DOK5: variants seen among roughly 807,000 people sequenced by gnomAD.
DOK5 encodes docking protein 5, also known as downstream of tyrosine kinase 5.
Under a neutral mutation model 43.3 loss-of-function variants are expected in DOK5, and 27 were observed. The observed-to-expected ratio is 0.62, with a 90% CI of 0.46 to 0.86. The LOEUF is 0.86. Ranked by LOEUF, DOK5 falls within the 40% of genes least tolerant of loss-of-function variation. The pLI, the probability that DOK5 is intolerant of heterozygous loss-of-function variation, is 0.00. For synonymous variants in DOK5, 146 were observed against 140.1 expected (o/e 1.04, Z -0.30); for missense variants, 373 against 392.9 (o/e 0.95, Z 0.43).
At chr20:54,529,537 G>T (rs995790996) in intron 1 of DOK5, among the ~76,000 whole-genome samples, 4 of 137,522 alleles carry the variant, frequency 2.9e-5, no homozygotes, top group African/African-American at 1.4e-4. Flanking sequence ...TTATAAGGGT[G>T]ACTTTAAAAA....
intron 6 of DOK5, among the ~76,000 whole-genome samples, chr20:54,631,110 G>A (rs6098126): frequency 6.6e-6 from 1 of 152,160 alleles, no homozygotes; most frequent in Non-Finnish European, 1.5e-5. Context: ...AGGAATGTTA[G>A]GATATGTTCA....
chr20:54,502,438 A>G (rs141493610), intron 1 of DOK5, among the ~76,000 whole-genome samples: 1 of 152,294 alleles, frequency 6.6e-6, no homozygotes, highest in East Asian at 1.9e-4. Flanking sequence ...CAACACTATT[A>G]AAAATTTTAC....
intron 1 of DOK5, among the ~76,000 whole-genome samples, chr20:54,514,323 C>G (rs1983118272): frequency 6.6e-6 from 1 of 152,154 alleles, no homozygotes; most frequent in South Asian, 2.1e-4. Flanking sequence ...TTTGCCTTTT[C>G]CACTTGTCAA....
intron 1 of DOK5, among the ~76,000 whole-genome samples, chr20:54,515,614 A>G (rs1442604416): frequency 6.6e-6 from 1 of 152,216 alleles, no homozygotes; most frequent in African/African-American, 2.4e-5. Flanking sequence ...ATCTTAAAAC[A>G]GGGAACATCC....
chr20:54,623,629 G>C (rs1220103770), intron 6 of DOK5, among the ~76,000 whole-genome samples: 1 of 151,960 alleles, frequency 6.6e-6, no homozygotes, highest in Non-Finnish European at 1.5e-5. Context: ...GCCCAGGCTG[G>C]AGTACAGTGG....
At chr20:54,575,814 A>C (rs1985435236) in intron 2 of DOK5, among the ~76,000 whole-genome samples, 1 of 152,258 alleles carries the variant, frequency 6.6e-6, no homozygotes, top group African/African-American at 2.4e-5. Context: ...AAGTGTGTGC[A>C]CGTGTGTGAA....
At chr20:54,491,250 G>A (rs1982162744) in intron 1 of DOK5, among the ~76,000 whole-genome samples, 1 of 152,142 alleles carries the variant, frequency 6.6e-6, no homozygotes, top group Non-Finnish European at 1.5e-5. Context: ...AATTCTTAGT[G>A]GCTAGAATAG....
intron 1 of DOK5, among the ~76,000 whole-genome samples, chr20:54,507,295 G>A (rs531533707): frequency 3.3e-5 from 5 of 152,162 alleles, no homozygotes; most frequent in East Asian, 1.9e-4. Flanking sequence ...ACTGTCCAAT[G>A]GAGACATAAT....
At chr20:54,571,112 T>G (rs1210074102) in intron 2 of DOK5, among the ~76,000 whole-genome samples, 1 of 152,270 alleles carries the variant, frequency 6.6e-6, no homozygotes, top group Non-Finnish European at 1.5e-5. Context: ...GTGTTGAGTA[T>G]TTCTTTCTTT....
chr20:54,516,889 G>A (rs934146394), intron 1 of DOK5, among the ~76,000 whole-genome samples: 9 of 152,148 alleles, frequency 5.9e-5, no homozygotes, highest in African/African-American at 1.9e-4. Flanking sequence ...CTGCAACACT[G>A]AATTTAAAAC....
intron 1 of DOK5, among the ~76,000 whole-genome samples, chr20:54,476,728 A>C (rs1408504228): frequency 6.6e-6 from 1 of 152,170 alleles, no homozygotes; most frequent in Non-Finnish European, 1.5e-5. Flanking sequence ...CCTGAAAGGA[A>C]GAATGAATGA....
At chr20:54,558,131 A>G (rs967182894) in intron 2 of DOK5, among the ~76,000 whole-genome samples, 2 of 152,230 alleles carry the variant, frequency 1.3e-5, no homozygotes, top group Middle Eastern at 3.2e-3. Context: ...TGAAACCAGA[A>G]AAAGAAACTT....
chr20:54,650,262 G>A (rs1979636864), intron 7 of DOK5, among the ~76,000 whole-genome samples, 153 bp from the exon 8 acceptor site: 1 of 152,196 alleles, frequency 6.6e-6, no homozygotes, highest in Admixed American at 6.5e-5. Context: ...CAATCTCTGT[G>A]ACTCATTTAC....
At chr20:54,505,397 A>G (rs560545856) in intron 1 of DOK5, among the ~76,000 whole-genome samples, 142 of 152,242 alleles carry the variant, frequency 9.3e-4, no homozygotes, top group African/African-American at 3.2e-3. Context: ...TAAGGTATTT[A>G]CTGAAAAAGT....
intron 6 of DOK5, among the ~76,000 whole-genome samples, chr20:54,632,620 C>A (rs190981024): frequency 1.3e-4 from 20 of 152,286 alleles, no homozygotes; most frequent in Admixed American, 1.3e-3. Context: ...GTGGCAGATT[C>A]TAGACTTTAA....
At chr20:54,616,784 C>CTTTTTTTTTTTTTT (rs550110589) in intron 6 of DOK5, among the ~76,000 whole-genome samples, 49 of 105,734 alleles carry the variant, frequency 4.6e-4, no homozygotes, top group Non-Finnish European at 6.7e-4. Context: ...TTTTTTTTTT[C>CTTTTTTTTTTTTTT]TTTTTTTTTT....
intron 2 of DOK5, among the ~76,000 whole-genome samples, chr20:54,560,524 T>G (rs1984864113): frequency 6.6e-6 from 1 of 152,186 alleles, no homozygotes; most frequent in Non-Finnish European, 1.5e-5. Flanking sequence ...TTTAAGTACT[T>G]TTTTCTAGTC....
At chr20:54,611,719 G>A (rs972391186) in intron 6 of DOK5, among the ~76,000 whole-genome samples, 1 of 152,192 alleles carries the variant, frequency 6.6e-6, no homozygotes, top group African/African-American at 2.4e-5. Context: ...CATCTGGAAG[G>A]AAATATACAA....
At chr20:54,562,769 G>C (rs1322737765) in intron 2 of DOK5, among the ~76,000 whole-genome samples, 1 of 151,294 alleles carries the variant, frequency 6.6e-6, no homozygotes, top group African/African-American at 2.4e-5. Flanking sequence ...CATACAGAAG[G>C]TTAAAAAAAA....
Sources: gnomAD v4.1 joint callset for allele counts (sites outside exome capture counted in the v4.1 genomes callset) on GRCh38, gnomAD v4.1.1 for gene constraint, MANE v1.5 for transcripts, NCBI Gene and HGNC (gene_info 2026-07-23, HGNC 2026-07-21) for gene names.